The following SNTG1 variants were observed in gnomAD, a reference collection of about 807,000 sequenced individuals.
SNTG1 encodes the protein syntrophin gamma 1, also known as gamma-1-syntrophin.
In SNTG1, 39 loss-of-function variants were observed where a neutral mutation model predicts 74.7. The observed-to-expected ratio is 0.52, with a 90% CI of 0.40 to 0.68. The LOEUF (loss-of-function observed/expected upper bound fraction) is 0.68. SNTG1 is among the 30% of genes least tolerant of loss of function. SNTG1 has a pLI of 0.00. For missense variants in SNTG1, 685 were observed against 609.5 expected, an observed-to-expected ratio of 1.12 and a Z score of -1.30; for synonymous variants, 254 against 217.1, an observed-to-expected ratio of 1.17 and a Z score of -1.49.
intron 5 of SNTG1, among the ~76,000 whole-genome samples, chr8:50,440,188 CTTATA>C (rs1213505666): frequency 6.6e-6 from 1 of 151,826 alleles, no homozygotes; most frequent in African/African-American, 2.4e-5. Context: ...TGATCAATAT[CTTATA>C]TTAGAGTTAA....
chr8:50,582,542 G>GT (rs1355714246), intron 12 of SNTG1, among the ~76,000 whole-genome samples: 69 of 152,170 alleles, frequency 4.5e-4, no homozygotes, highest in African/African-American at 1.6e-3. Flanking sequence ...ATGGGTGTGT[G>GT]GGTGTGTGTG....
chr8:50,227,503 T>A (rs2085389511), intron 2 of SNTG1, among the ~76,000 whole-genome samples: 1 of 152,144 alleles, frequency 6.6e-6, no homozygotes, highest in African/African-American at 2.4e-5. Flanking sequence ...TTAGCTTTCC[T>A]GCATCACCTA....
chr8:50,426,881 A>G (rs998198970), intron 4 of SNTG1, among the ~76,000 whole-genome samples: 7 of 152,200 alleles, frequency 4.6e-5, no homozygotes, highest in African/African-American at 1.2e-4. Flanking sequence ...TATATAGGCT[A>G]TAATACAGCA....
At chr8:50,051,667 G>T (rs1819585678) in intron 1 of SNTG1, among the ~76,000 whole-genome samples, 1 of 151,992 alleles carries the variant, frequency 6.6e-6, no homozygotes, top group Non-Finnish European at 1.5e-5. Flanking sequence ...GCATTCCTCG[G>T]CTTATAGCTA....
intron 13 of SNTG1, among the ~76,000 whole-genome samples, chr8:50,604,286 C>T (rs1234652566): frequency 6.6e-6 from 1 of 152,016 alleles, no homozygotes; most frequent in Non-Finnish European, 1.5e-5. Flanking sequence ...GGCATGATGG[C>T]ACATGCCTGT....
chr8:50,165,726 G>A (rs569153553), intron 1 of SNTG1, among the ~76,000 whole-genome samples: 1 of 152,242 alleles, frequency 6.6e-6, no homozygotes, highest in African/African-American at 2.4e-5. Flanking sequence ...GAAAACCTTA[G>A]TGGTTCCTAA....
At chr8:50,526,927 T>C (rs1408790023) in intron 9 of SNTG1, among the ~76,000 whole-genome samples, 1 of 152,058 alleles carries the variant, frequency 6.6e-6, no homozygotes, top group Non-Finnish European at 1.5e-5. Flanking sequence ...CGGCCCGAAG[T>C]CAGCATGTTA....
At chr8:50,668,722 C>T (rs2095263000) in intron 15 of SNTG1, among the ~76,000 whole-genome samples, 1 of 151,762 alleles carries the variant, frequency 6.6e-6, no homozygotes, top group African/African-American at 2.4e-5. Flanking sequence ...CATAGTTCAA[C>T]TTCCATTTGT....
intron 1 of SNTG1, among the ~76,000 whole-genome samples, chr8:49,983,207 A>G (rs754811310): frequency 5.9e-5 from 9 of 152,204 alleles, no homozygotes; most frequent in Non-Finnish European, 2.9e-5. Context: ...AAACTCAGCT[A>G]TAACTGAAAA....
Position 50,702,729 on chromosome 8 carries a change from A to G in SNTG1, c.1039-1871A>G, listed in dbSNP as rs1037547199. ...TAGATGGTTCCACTGTTGTACAAAC[A>G]CCACAGAATTTGCTTGCACAACCTG... On this transcript the variant is annotated intron_variant, in intron 15 of 18. Coordinates refer to ENST00000642720, the MANE Select transcript of SNTG1 (RefSeq NM_018967.5). Among the ~76,000 whole-genome samples the G allele has an allele frequency of 2.6e-5, 4 of 152,184 alleles. No individual in the cohort carries two copies. In the South Asian group the frequency reaches 8.3e-4, roughly 31 times the overall value.
At chr8:50,368,182 C>T (rs2092168997) in intron 2 of SNTG1, among the ~76,000 whole-genome samples, 2 of 152,092 alleles carry the variant, frequency 1.3e-5, no homozygotes, top group African/African-American at 4.8e-5. Context: ...GAAATGAGAA[C>T]AGGCCACTGT....
intron 1 of SNTG1, among the ~76,000 whole-genome samples, chr8:50,147,622 G>A (rs2081917424): frequency 6.6e-6 from 1 of 152,114 alleles, no homozygotes; most frequent in African/African-American, 2.4e-5. Context: ...CATTTTTTCT[G>A]TCAGAGGAAT....
At chr8:50,096,038 T>C (rs1313068094) in intron 1 of SNTG1, among the ~76,000 whole-genome samples, 1 of 152,184 alleles carries the variant, frequency 6.6e-6, no homozygotes, top group Admixed American at 6.5e-5. Context: ...AGCCCCAATC[T>C]AGTAAATGCT....
intron 9 of SNTG1, among the ~76,000 whole-genome samples, chr8:50,515,255 A>G (rs938083116): frequency 2.0e-5 from 3 of 151,684 alleles, no homozygotes; most frequent in African/African-American, 7.3e-5. Context: ...TATAAAAGTT[A>G]TGCTTATTCT....
intron 15 of SNTG1, among the ~76,000 whole-genome samples, chr8:50,700,087 T>A (rs1327627956): frequency 6.6e-6 from 1 of 152,128 alleles, no homozygotes; most frequent in African/African-American, 2.4e-5. Context: ...TTATAACAGC[T>A]CCTGCATGTG....
chr8:50,342,979 T>A (rs1439402110), intron 2 of SNTG1, among the ~76,000 whole-genome samples: 5 of 152,040 alleles, frequency 3.3e-5, no homozygotes, highest in African/African-American at 1.2e-4. Flanking sequence ...CAAGTCAAAA[T>A]CCTCTTTTAA....
Position 50,178,199 on chromosome 8 carries a change from C to T in SNTG1, c.-28+5564C>T, listed in dbSNP as rs534871671. On this transcript the variant is annotated intron_variant, in intron 2 of 18. Transcript: ENST00000642720. ...CCATTGGTAATGCTTAGTAGCATAACTGCTGCATCAAGTGGTAAGCTCTGT... is the reference window on the plus strand; with the variant it reads ...CCATTGGTAATGCTTAGTAGCATAATTGCTGCATCAAGTGGTAAGCTCTGT... Among the ~76,000 whole-genome samples, 3 of 152,312 alleles carry T rather than the reference C, an allele frequency of 2.0e-5. No individual in the cohort carries two copies. The South Asian group carries it at 6.2e-4, about 32-fold the overall frequency.
chr8:50,761,392 T>C (rs2095598427), intron 18 of SNTG1, among the ~76,000 whole-genome samples: 1 of 151,888 alleles, frequency 6.6e-6, no homozygotes, highest in African/African-American at 2.4e-5. Context: ...GACTCAGTCT[T>C]TTAGCTGGCC....
intron 1 of SNTG1, among the ~76,000 whole-genome samples, chr8:50,131,653 G>A (rs2081322193): frequency 6.6e-6 from 1 of 152,066 alleles, no homozygotes; most frequent in Non-Finnish European, 1.5e-5. Context: ...ATGGGAGTAT[G>A]ATTATCTCCT....
Sources: gnomAD v4.1 joint callset for allele counts (sites outside exome capture counted in the v4.1 genomes callset) on GRCh38, gnomAD v4.1.1 for gene constraint, MANE v1.5 for transcripts, NCBI Gene and HGNC (gene_info 2026-07-23, HGNC 2026-07-21) for gene names.